The following HS6ST3 variants were observed in gnomAD, a reference collection of about 807,000 sequenced individuals.
The protein encoded by HS6ST3 is heparan sulfate 6-O-sulfotransferase 3.
HS6ST3 carries 12 observed loss-of-function variants against 36.7 expected under a neutral mutation model. That is an observed-to-expected ratio of 0.33 (90% CI 0.21 to 0.53). The LOEUF is 0.53. Among genes scored for constraint, HS6ST3 ranks in the 20% least tolerant of loss-of-function variants. HS6ST3 has a pLI of 0.95. For synonymous variants in HS6ST3, 240 were observed against 257.5 expected (o/e 0.93, Z 0.65); for missense variants, 584 against 640.9 (o/e 0.91, Z 0.96).
At chr13:96,514,092 A>G (rs1285368941) in intron 1 of HS6ST3, among the ~76,000 whole-genome samples, 1 of 152,112 alleles carries the variant, frequency 6.6e-6, no homozygotes, top group Non-Finnish European at 1.5e-5. Context: ...GGGAAGTCAC[A>G]TGATGTGGCT....
At chr13:96,733,723 T>C (rs1341341243) in intron 1 of HS6ST3, among the ~76,000 whole-genome samples, 1 of 152,230 alleles carries the variant, frequency 6.6e-6, no homozygotes, top group Admixed American at 6.5e-5. Flanking sequence ...GATAATGTAA[T>C]GAGCTGGGGA....
intron 1 of HS6ST3, among the ~76,000 whole-genome samples, chr13:96,765,089 CG>C (rs1566447992): frequency 9.2e-6 from 1 of 109,124 alleles, no homozygotes; most frequent in African/African-American, 3.6e-5. Flanking sequence ...TTTTTTGAGA[CG>C]GAGTCTCGCT....
At chr13:96,730,036 A>G (rs1876108017) in intron 1 of HS6ST3, among the ~76,000 whole-genome samples, 1 of 152,128 alleles carries the variant, frequency 6.6e-6, no homozygotes, top group African/African-American at 2.4e-5. Flanking sequence ...ATTTCATGCA[A>G]TTGTATCTTT....
intron 1 of HS6ST3, among the ~76,000 whole-genome samples, chr13:96,173,908 A>G (rs1258421356): frequency 6.6e-6 from 1 of 152,062 alleles, no homozygotes; most frequent in African/African-American, 2.4e-5. Flanking sequence ...AGAGTGATGG[A>G]CAGAAGGAGG....
At chr13:96,476,984 A>C (rs994556443) in intron 1 of HS6ST3, among the ~76,000 whole-genome samples, 2 of 152,322 alleles carry the variant, frequency 1.3e-5, no homozygotes, top group South Asian at 4.1e-4. Context: ...GACATGAGTT[A>C]CTGAGAAAGG....
intron 1 of HS6ST3, among the ~76,000 whole-genome samples, chr13:96,333,175 A>C (rs1215505229): frequency 2.0e-5 from 3 of 152,264 alleles, no homozygotes; most frequent in South Asian, 2.1e-4. Flanking sequence ...CTACTTAAAA[A>C]AGGAAATGGA....
intron 1 of HS6ST3, among the ~76,000 whole-genome samples, chr13:96,535,718 A>G (rs1594801865): frequency 6.6e-6 from 1 of 152,296 alleles, no homozygotes; most frequent in African/African-American, 2.4e-5. Context: ...AAGAGATAAC[A>G]GGTAGTAGAT....
intron 1 of HS6ST3, among the ~76,000 whole-genome samples, chr13:96,376,944 C>T (rs1297800512): frequency 6.6e-6 from 1 of 150,412 alleles, no homozygotes; most frequent in African/African-American, 2.4e-5. Context: ...AGCAAGACCT[C>T]TATCTCTAAA....
intron 1 of HS6ST3, among the ~76,000 whole-genome samples, chr13:96,647,425 G>T (rs553699559): frequency 1.3e-5 from 2 of 151,966 alleles, no homozygotes; most frequent in Non-Finnish European, 2.9e-5. Flanking sequence ...AAAGCAAATT[G>T]TCTAGATGCA....
chr13:96,199,514 G>T (rs2054330912), intron 1 of HS6ST3, among the ~76,000 whole-genome samples: 1 of 152,096 alleles, frequency 6.6e-6, no homozygotes, highest in East Asian at 1.9e-4. Flanking sequence ...GTAGCCAAGT[G>T]CCTACTCAGC....
At chr13:96,480,103 ATTTG>A (rs1008330979) in intron 1 of HS6ST3, among the ~76,000 whole-genome samples, 1 of 151,968 alleles carries the variant, frequency 6.6e-6, no homozygotes, top group African/African-American at 2.4e-5. Flanking sequence ...GAAGCTCTCC[ATTTG>A]TTTATTTGTT....
intron 1 of HS6ST3, among the ~76,000 whole-genome samples, chr13:96,826,400 T>A (rs1878648105): frequency 6.6e-6 from 1 of 152,234 alleles, no homozygotes; most frequent in Non-Finnish European, 1.5e-5. Context: ...GTAGTGATAA[T>A]GTTCTTTTAC....
In HS6ST3 at chr13:96,564,025, T is replaced by A. The variant is rs534129994; in HGVS notation, c.708-268465T>A. Among the ~76,000 whole-genome samples, 5 of 152,316 alleles carry A rather than the reference T, an allele frequency of 3.3e-5. No individual in the cohort carries two copies. In the East Asian group the frequency reaches 9.7e-4, roughly 29 times the overall value. Reference sequence around the variant, plus strand: ...ATAAATGATAATGATACATACCTACTTTATGACCTTACTCATTTTTCAGTC... The same window carrying A: ...ATAAATGATAATGATACATACCTACATTATGACCTTACTCATTTTTCAGTC... On this transcript the variant is annotated intron_variant, in intron 1 of 1. Transcript: ENST00000376705.
intron 1 of HS6ST3, among the ~76,000 whole-genome samples, chr13:96,587,369 G>A (rs1594812946): frequency 1.3e-5 from 2 of 151,826 alleles, no homozygotes; most frequent in African/African-American, 4.8e-5. Flanking sequence ...GGATTGCATT[G>A]AATTTGTAAT....
Position 96,584,168 on chromosome 13 carries a change from G to A in HS6ST3, c.708-248322G>A, listed in dbSNP as rs141211644. On this transcript the variant is annotated intron_variant, in intron 1 of 1. Transcript: ENST00000376705. The stretch of plus-strand genomic sequence containing the variant: ...TTTTTGTTTTTTGAGACAGAGTTTC[G>A]CTCTTATTGCCCAGGCTGGAGTGCA... Among the ~76,000 whole-genome samples the A allele has an allele frequency of 5.3e-3, 801 of 151,950 alleles. 1 individual carries two copies. The highest frequency in any genetic ancestry group is 8.6e-3 in the Non-Finnish European group (587 of 67,978).
intron 1 of HS6ST3, among the ~76,000 whole-genome samples, chr13:96,252,866 A>AGGT (rs2054613994): frequency 6.6e-6 from 1 of 151,982 alleles, no homozygotes; most frequent in East Asian, 1.9e-4. Context: ...CATGAGTCAA[A>AGGT]GCTCCCTGAG....
At chr13:96,327,916 C>T (rs1266526000) in intron 1 of HS6ST3, among the ~76,000 whole-genome samples, 1 of 141,056 alleles carries the variant, frequency 7.1e-6, no homozygotes, top group African/African-American at 2.7e-5. Context: ...AGTTGGATTC[C>T]TAGGTATTTT....
chr13:96,616,894 C>A (rs901852335), intron 1 of HS6ST3, among the ~76,000 whole-genome samples: 1 of 150,864 alleles, frequency 6.6e-6, no homozygotes, highest in African/African-American at 2.5e-5. Context: ...AGGCTTCCAA[C>A]AAAGGACACA....
intron 1 of HS6ST3, among the ~76,000 whole-genome samples, chr13:96,184,910 C>G (rs1406607825): frequency 1.3e-5 from 2 of 152,192 alleles, no homozygotes; most frequent in African/African-American, 4.8e-5. Flanking sequence ...CCGCCAGGGC[C>G]CTGGCACAAG....
Sources: gnomAD v4.1 joint callset for allele counts (sites outside exome capture counted in the v4.1 genomes callset) on GRCh38, gnomAD v4.1.1 for gene constraint, MANE v1.5 for transcripts, NCBI Gene and HGNC (gene_info 2026-07-23, HGNC 2026-07-21) for gene names.